FRMD5: variants seen among roughly 807,000 people sequenced by gnomAD.
FRMD5 encodes the protein FERM domain containing 5.
Under a neutral mutation model 69.0 loss-of-function variants are expected in FRMD5, and 20 were observed. The observed-to-expected ratio is 0.29, with a 90% confidence interval of 0.20 to 0.42. FRMD5 has a LOEUF of 0.42. Ranked by LOEUF, FRMD5 falls within the 10% of genes least tolerant of loss-of-function variation. FRMD5 has a pLI of 1.00. For missense variants in FRMD5, 595 were observed against 708.6 expected (o/e 0.84, Z 1.82); for synonymous variants, 271 against 260.1 (o/e 1.04, Z -0.40).
At chr15:44,026,578 A>T (rs1891439081) in intron 1 of FRMD5, among the ~76,000 whole-genome samples, 1 of 152,184 alleles carries the variant, frequency 6.6e-6, no homozygotes, top group Non-Finnish European at 1.5e-5. Context: ...CTGTTATCAG[A>T]TTCAGTTGCA....
chr15:44,007,842 C>T (rs1890528880), intron 1 of FRMD5, among the ~76,000 whole-genome samples: 1 of 151,792 alleles, frequency 6.6e-6, no homozygotes, highest in Admixed American at 6.6e-5. Context: ...CGGGGTTTCT[C>T]CATGTTGGTC....
At chr15:44,007,637 A>ATTTTTTTTTTTTTTTTTTTT (rs35512441) in intron 1 of FRMD5, among the ~76,000 whole-genome samples, 2 of 81,144 alleles carry the variant, frequency 2.5e-5, no homozygotes, top group Non-Finnish European at 4.3e-5. Context: ...TAATTAACTA[A>ATTTTTTTTTTTTTTTTTTTT]TTTTTTTTTT....
At chr15:44,155,587 C>G (rs945051122) in intron 1 of FRMD5, among the ~76,000 whole-genome samples, 4 of 151,934 alleles carry the variant, frequency 2.6e-5, no homozygotes, top group African/African-American at 9.7e-5. Flanking sequence ...TAATTCCTCC[C>G]CAAATATATA....
chr15:44,081,482 C>T (rs1445469010), intron 1 of FRMD5, among the ~76,000 whole-genome samples: 1 of 152,044 alleles, frequency 6.6e-6, no homozygotes, highest in Non-Finnish European at 1.5e-5. Context: ...AATCCAGTAA[C>T]AAGCCAGAAA....
chr15:44,089,265 C>T (rs767260061), intron 1 of FRMD5, among the ~76,000 whole-genome samples: 1 of 152,098 alleles, frequency 6.6e-6, no homozygotes, highest in African/African-American at 2.4e-5. Flanking sequence ...CTTTGTGAGT[C>T]CATTTTTATA....
chr15:44,155,896 C>T (rs2077520130), intron 1 of FRMD5, among the ~76,000 whole-genome samples: 1 of 151,696 alleles, frequency 6.6e-6, no homozygotes, highest in Non-Finnish European at 1.5e-5. Flanking sequence ...CGCCTGGCTC[C>T]TCCCCAAACA....
At chr15:43,900,690 T>C (rs1225108824) in intron 7 of FRMD5, among the ~76,000 whole-genome samples, 1 of 151,158 alleles carries the variant, frequency 6.6e-6, no homozygotes, top group Non-Finnish European at 1.5e-5. Context: ...TGATCTCAGC[T>C]CACTGCAACC....
At chr15:44,022,782 C>T (rs1182053241) in intron 1 of FRMD5, among the ~76,000 whole-genome samples, 4 of 152,062 alleles carry the variant, frequency 2.6e-5, no homozygotes, top group Non-Finnish European at 5.9e-5. Flanking sequence ...TGCTCAGGGA[C>T]ACATGTGAAA....
At chr15:44,069,687 C>T (rs1309211731) in intron 1 of FRMD5, among the ~76,000 whole-genome samples, 2 of 152,056 alleles carry the variant, frequency 1.3e-5, no homozygotes, top group African/African-American at 4.8e-5. Flanking sequence ...CTATAAAAGG[C>T]AATAGGAGGG....
intron 1 of FRMD5, among the ~76,000 whole-genome samples, chr15:43,924,917 T>A (rs910085345): frequency 1.3e-5 from 2 of 152,048 alleles, no homozygotes; most frequent in African/African-American, 4.8e-5. Flanking sequence ...GGATATACTA[T>A]GAACAGTAAG....
At chr15:44,117,863 A>G (rs527655318) in intron 1 of FRMD5, among the ~76,000 whole-genome samples, 1 of 152,322 alleles carries the variant, frequency 6.6e-6, no homozygotes, top group Non-Finnish European at 1.5e-5. Flanking sequence ...ATAAAACAGC[A>G]GTTTTCAATC....
chr15:44,179,701 G>C (rs1220852940), intron 1 of FRMD5, among the ~76,000 whole-genome samples: 1 of 152,138 alleles, frequency 6.6e-6, no homozygotes, highest in Non-Finnish European at 1.5e-5. Context: ...TTGAACTACA[G>C]AACATCTGTG....
chr15:43,875,085 C>T (rs1801948641), intron 13 of FRMD5, among the ~76,000 whole-genome samples: 1 of 152,010 alleles, frequency 6.6e-6, no homozygotes, highest in Non-Finnish European at 1.5e-5. Flanking sequence ...GTAATCCCAG[C>T]TACTCAGGAG....
chr15:43,925,241 G>A (rs2089563726), intron 1 of FRMD5, among the ~76,000 whole-genome samples: 1 of 152,086 alleles, frequency 6.6e-6, no homozygotes, highest in Non-Finnish European at 1.5e-5. Context: ...CTGACCTTAG[G>A]TGATCTGCCT....
At chr15:43,934,362 T>C (rs1341074850) in intron 1 of FRMD5, among the ~76,000 whole-genome samples, 1 of 152,204 alleles carries the variant, frequency 6.6e-6, no homozygotes, top group East Asian at 1.9e-4. Context: ...TCTCATGTCC[T>C]CTTATGTGCT....
At chr15:43,899,051 T>A (rs905313616) in intron 7 of FRMD5, among the ~76,000 whole-genome samples, 5 of 152,108 alleles carry the variant, frequency 3.3e-5, no homozygotes, top group Non-Finnish European at 7.4e-5. Context: ...TCCTCTTCTG[T>A]CCTCCCTAGG....
intron 1 of FRMD5, chr15:44,063,949 G>A: frequency 3.9e-6 from 1 of 254,414 alleles, no homozygotes; most frequent in Non-Finnish European, 7.8e-6. Context: ...CCTCAAGATT[G>A]TCAGTAATGC....
chr15:43,881,229 T>C (rs2088519505), intron 13 of FRMD5, among the ~76,000 whole-genome samples: 1 of 152,126 alleles, frequency 6.6e-6, no homozygotes, highest in African/African-American at 2.4e-5. Context: ...AGGATGGGGA[T>C]GGACCCTCTA....
Position 43,874,042 on chromosome 15 carries a change from A to G in FRMD5, c.1556T>C (p.Leu519Pro). The part of the protein sequence containing the change: ...MGLLFVLLLL[L>P]IILTESDLDI... ...AAGGTCAGACTCGGTAAGGATGATC[A>G]GGAGGAGGAGCAAAACAAAGAGGAG... Residue 519 changes from leucine to proline, a missense_variant, in exon 14 of 14, where the codon CTG (leucine) becomes CCG (proline). Transcript: ENST00000417257. 6.2e-7 allele frequency: 1 copy of G among 1,614,250 alleles called. No individual in the cohort carries two copies. Among genetic ancestry groups the G allele is most frequent in the Non-Finnish European group, 8.5e-7 (1 of 1,180,036 alleles).
Sources: gnomAD v4.1 joint callset for allele counts (sites outside exome capture counted in the v4.1 genomes callset) on GRCh38, gnomAD v4.1.1 for gene constraint, MANE v1.5 for transcripts, NCBI Gene and HGNC (gene_info 2026-07-23, HGNC 2026-07-21) for gene names.